PRKAB2: variants seen among roughly 807,000 people sequenced by gnomAD.
The protein encoded by PRKAB2 is protein kinase AMP-activated non-catalytic subunit beta 2.
PRKAB2 carries 18 observed loss-of-function variants against 29.8 expected under a neutral mutation model. That is an observed-to-expected ratio of 0.60 (90% confidence interval 0.42 to 0.89). The LOEUF (loss-of-function observed/expected upper bound fraction) is 0.89, where lower values mean the gene tolerates loss of function less well. PRKAB2 is among the 40% of genes least tolerant of loss of function. PRKAB2 has a pLI of 0.00. For missense variants in PRKAB2, 270 were observed against 344.3 expected, an observed-to-expected ratio of 0.78 and a Z score of 1.71; for synonymous variants, 136 against 125.9, an observed-to-expected ratio of 1.08 and a Z score of -0.54.
At chr1:147,167,674 T>G in intron 3 of PRKAB2, 93 bp downstream of exon 3, 1 of 1,422,260 alleles carries the variant, frequency 7.0e-7, no homozygotes, top group Non-Finnish European at 9.6e-7. Context: ...CAGTCCTTAG[T>G]AGGTGGAGAA....
rs1048059 is a variant in PRKAB2, at chr1:147,159,492, G to C, written c.*73C>G. ...AAAGCAAATCAGCCTTCCAGTCTCA[G>C]GTAAGACTGGTTCAGTCCAGAAATG... On this transcript the variant is annotated 3_prime_UTR_variant, in exon 8 of 8. Coordinates refer to ENST00000254101, the MANE Select transcript of PRKAB2 (RefSeq NM_005399.5). The C allele has an allele frequency of 7.4e-7, 1 of 1,353,330 alleles. No individual in the cohort carries two copies. Among genetic ancestry groups the C allele is most frequent in the Non-Finnish European group, 1.1e-6 (1 of 952,012 alleles). The allele number at this position is 1,353,330 out of a possible 1,614,324, so 83.8% of individuals were successfully genotyped here.
Position 147,167,943 on chromosome 1 carries a change from G to C in PRKAB2, c.157-10C>G. Reference sequence around the variant, plus strand: ...CTTTGTCCCCAGGGAGCTGTAAGAAGGAGTAGGTCATCCCTAGAATAAACT... The same window carrying C: ...CTTTGTCCCCAGGGAGCTGTAAGAACGAGTAGGTCATCCCTAGAATAAACT... On this transcript the variant is annotated splice_polypyrimidine_tract_variant and intron_variant, in intron 2 of 7. Transcript: ENST00000254101. 6.2e-7 allele frequency: 1 copy of C among 1,607,824 alleles called. No individual in the cohort carries two copies. The highest frequency in any genetic ancestry group is 8.5e-7 in the Non-Finnish European group (1 of 1,177,268).
At chr1:147,167,975 C>G in intron 2 of PRKAB2, 42 bp from the exon 3 acceptor site, 1 of 1,566,478 alleles carries the variant, frequency 6.4e-7, no homozygotes, top group Non-Finnish European at 8.7e-7. Flanking sequence ...AACTGTGACC[C>G]AAGAATTCTA....
chr1:147,166,156 T>G (rs1219230122), intron 5 of PRKAB2, among the ~76,000 whole-genome samples: 14 of 152,230 alleles, frequency 9.2e-5, no homozygotes, highest in African/African-American at 3.4e-4. Context: ...CTGGGTAATA[T>G]CATCAAAGGT....
intron 2 of PRKAB2, among the ~76,000 whole-genome samples, chr1:147,168,449 TAAG>T (rs1278618096): frequency 6.6e-6 from 1 of 152,204 alleles, no homozygotes. Flanking sequence ...GTATTTCAGC[TAAG>T]AAGTAAAAAG....
chr1:147,168,729 A>G (rs1187792528), intron 2 of PRKAB2, among the ~76,000 whole-genome samples: 1 of 152,352 alleles, frequency 6.6e-6, no homozygotes, highest in South Asian at 2.1e-4. Flanking sequence ...GAGTTGGCAG[A>G]CAGCCAGTAA....
At position 147,157,803 on chromosome 1, in the gene PRKAB2, C is replaced by T. The variant is rs587692788; in HGVS notation, c.*1762G>A. The T allele has an allele frequency of 7.5e-6, 1 of 133,428 alleles. No homozygotes were observed. The highest frequency in any genetic ancestry group is 2.9e-5 in the African/African-American group (1 of 34,036). The allele number at this position is 133,428 out of a possible 1,614,324, so 8.3% of individuals were successfully genotyped here. ...AACATAAAAGGTTCTCCACAAAAGCCTTTTGCTGCAGAAGGTGGCCTTGGA... is the reference window on the plus strand; with the variant it reads ...AACATAAAAGGTTCTCCACAAAAGCTTTTTGCTGCAGAAGGTGGCCTTGGA... On this transcript the variant is annotated 3_prime_UTR_variant, in exon 8 of 8. Transcript: ENST00000254101.
At position 147,167,938 on chromosome 1, in the gene PRKAB2, A is replaced by T; in HGVS notation, c.157-5T>A. 1.9e-6 allele frequency: 3 copies of T among 1,610,444 alleles called. No individual in the cohort carries two copies. Among genetic ancestry groups the T allele is most frequent in the Non-Finnish European group, 2.5e-6 (3 of 1,178,344 alleles). On this transcript the variant is annotated splice_polypyrimidine_tract_variant and splice_region_variant and intron_variant, in intron 2 of 7. Coordinates refer to ENST00000254101, the MANE Select transcript of PRKAB2 (RefSeq NM_005399.5). The stretch of plus-strand genomic sequence containing the variant: ...AAACTCTTTGTCCCCAGGGAGCTGT[A>T]AGAAGGAGTAGGTCATCCCTAGAAT...
At chr1:147,164,265 G>A (rs75059118) in intron 5 of PRKAB2, among the ~76,000 whole-genome samples, 2,298 of 152,190 alleles carry the variant, frequency 0.015, 17 homozygotes, top group Non-Finnish European at 0.024. Flanking sequence ...GTGTTCCGTT[G>A]CACAGTAGAG....
chr1:147,165,601 A>G (rs1267238176), intron 5 of PRKAB2, among the ~76,000 whole-genome samples: 13 of 152,236 alleles, frequency 8.5e-5, no homozygotes, highest in African/African-American at 3.1e-4. Flanking sequence ...AAGTAACAAA[A>G]TGGTAACTAC....
At position 147,155,593 on chromosome 1, in the gene PRKAB2, T is replaced by C. The variant is rs1479394770; in HGVS notation, c.*3972A>G. ...GAAGTAAGATCATCAATACCTAATA[T>C]ATGACTTAATGTAGGTATCCCTTGA... On this transcript the variant is annotated 3_prime_UTR_variant, in exon 8 of 8. Transcript: ENST00000254101. 2.6e-5 allele frequency: 4 copies of C among 152,554 alleles called. No homozygotes were observed. Among genetic ancestry groups the C allele is most frequent in the Non-Finnish European group, 4.4e-5 (3 of 68,006 alleles). 9.5% of individuals were successfully genotyped at this position (152,554 alleles called of 1,614,324 possible). A position where few individuals can be genotyped will look rare whatever the true frequency, so the allele number is the denominator to read the frequency against.
rs1653653126 is a variant in PRKAB2 at position 147,155,967 on chromosome 1, A to T, written c.*3598T>A. ...AGAAATCACAGTCCTTCCATATCCA[A>T]TTGTGATTGGCACTTAAGGAGAGAC... On this transcript the variant is annotated 3_prime_UTR_variant, in exon 8 of 8. Coordinates refer to ENST00000254101, the MANE Select transcript of PRKAB2 (RefSeq NM_005399.5). The T allele has an allele frequency of 6.6e-6, 1 of 152,122 alleles. No homozygotes were observed. Among genetic ancestry groups the T allele is most frequent in the African/African-American group, 2.4e-5 (1 of 41,412 alleles). The allele number at this position is 152,122 out of a possible 1,614,324, so 9.4% of individuals were successfully genotyped here. A position where few individuals can be genotyped will look rare whatever the true frequency, so the allele number is the denominator to read the frequency against.
chr1:147,158,630 C>T lies in PRKAB2; in HGVS notation c.*935G>A, dbSNP rs1298728284. On this transcript the variant is annotated 3_prime_UTR_variant, in exon 8 of 8. Coordinates refer to ENST00000254101, the MANE Select transcript of PRKAB2 (RefSeq NM_005399.5). Reference sequence around the variant, plus strand: ...AGGATGAAAGACATGAAAATACTCCCGGGTTCCACTCCTGCCTTCAGAACT... The same window carrying T: ...AGGATGAAAGACATGAAAATACTCCTGGGTTCCACTCCTGCCTTCAGAACT... The T allele has an allele frequency of 6.6e-6, 1 of 151,950 alleles. No individual in the cohort carries two copies. The highest frequency in any genetic ancestry group is 2.4e-5 in the African/African-American group (1 of 41,368). 9.4% of individuals were successfully genotyped at this position (151,950 alleles called of 1,614,324 possible).
chr1:147,162,578 A>C lies in PRKAB2; in HGVS notation c.539-5T>G, dbSNP rs1553913215. 6.2e-7 allele frequency: 1 copy of C among 1,603,068 alleles called. No individual in the cohort carries two copies. The highest frequency in any genetic ancestry group is 1.1e-5 in the South Asian group (1 of 89,426). On this transcript the variant is annotated splice_region_variant and splice_polypyrimidine_tract_variant and intron_variant, in intron 5 of 7. Coordinates refer to ENST00000254101, the MANE Select transcript of PRKAB2 (RefSeq NM_005399.5). ...CTGGGGGTGAGCTGGAAAGGTCTGA[A>C]AGATATTTATACAAATATGAGAAAG... is the stretch of plus-strand genomic sequence containing the variant.
At chr1:147,167,005 G>A (rs1185635444) in intron 3 of PRKAB2, 66 bp from the exon 4 acceptor site, 1 of 1,325,218 alleles carries the variant, frequency 7.5e-7, no homozygotes, top group Non-Finnish European at 1.1e-6. Context: ...TAAAAAACAA[G>A]TGGCAATCAT....
In PRKAB2 at chr1:147,172,049, C is replaced by T. The variant is rs587721866; in HGVS notation, c.96G>A (p.Glu32=). 1.8e-5 allele frequency: 29 copies of T among 1,587,676 alleles called. No individual in the cohort carries two copies. In the African/African-American group the frequency reaches 3.0e-4, roughly 16 times the overall value. Reference sequence around the variant, plus strand: ...CCGTACTCCCCACCATGATCTTGTGCTCCTTCCCCGGGGCATGGCCGCCTG... The same window carrying T: ...CCGTACTCCCCACCATGATCTTGTGTTCCTTCCCCGGGGCATGGCCGCCTG... ...EGAGGHAPGK[E]HKIMVGSTDD... Residue 32 remains glutamate (E), a synonymous_variant, in exon 2 of 8, where the codon GAG becomes GAA. Coordinates refer to ENST00000254101, the MANE Select transcript of PRKAB2 (RefSeq NM_005399.5).
At chr1:147,161,875 G>T in intron 6 of PRKAB2, 95 bp from the exon 7 acceptor site, 1 of 1,006,354 alleles carries the variant, frequency 9.9e-7, no homozygotes, top group Non-Finnish European at 1.5e-6. Context: ...AGCTCTTTGA[G>T]AAATTTAAAC....
intron 7 of PRKAB2, chr1:147,160,688 T>C (rs1257068249): frequency 1.3e-5 from 2 of 151,144 alleles, no homozygotes; most frequent in African/African-American, 2.5e-5. Context: ...AAATGAGGAA[T>C]ACCTGAGAAA....
In PRKAB2 at chr1:147,157,039, T is replaced by G. The variant is rs782249572; in HGVS notation, c.*2526A>C. On this transcript the variant is annotated 3_prime_UTR_variant, in exon 8 of 8. Transcript: ENST00000254101. Reference sequence around the variant, plus strand: ...ATTTTCTTATTCTGCCTACTTTGACTCTGTAAAATTCCCAAAAGCAAAATA... The same window carrying G: ...ATTTTCTTATTCTGCCTACTTTGACGCTGTAAAATTCCCAAAAGCAAAATA... 1 of 152,142 alleles carries G rather than the reference T, an allele frequency of 6.6e-6. No individual in the cohort carries two copies. The highest frequency in any genetic ancestry group is 1.5e-5 in the Non-Finnish European group (1 of 68,022). The allele number at this position is 152,142 out of a possible 1,614,324, so 9.4% of individuals were successfully genotyped here. A position where few individuals can be genotyped will look rare whatever the true frequency, so the allele number is the denominator to read the frequency against.
Sources: allele counts gnomAD v4.1 joint callset (sites outside exome capture counted in the v4.1 genomes callset), GRCh38; gene constraint gnomAD v4.1.1; transcripts MANE v1.5; gene names NCBI Gene and HGNC (gene_info 2026-07-23, HGNC 2026-07-21).